TBC1D21: variants seen among roughly 807,000 people sequenced by gnomAD.
The protein encoded by TBC1D21 is male germ cell Rab GTPase-activating protein.
A neutral mutation model predicts 46.0 loss-of-function variants in TBC1D21; 38 were observed. That is an observed-to-expected ratio of 0.83 (90% CI 0.64 to 1.08). The LOEUF (loss-of-function observed/expected upper bound fraction) is 1.08, where lower values mean the gene tolerates loss of function less well. Among genes scored for constraint, TBC1D21 ranks in the 50% least tolerant of loss-of-function variants. The probability of loss-of-function intolerance (pLI) is 0.00; values close to 1 mark genes in which losing one functional copy is unlikely to be tolerated. For synonymous variants in TBC1D21, 151 were observed against 157.2 expected, an observed-to-expected ratio of 0.96 and a Z score of 0.29; for missense variants, 415 against 417.9, an observed-to-expected ratio of 0.99 and a Z score of 0.06.
chr15:73,881,815 C>A, intron 3 of TBC1D21, 68 bp downstream of exon 3: 1 of 1,390,942 alleles, frequency 7.2e-7, no homozygotes, highest in Non-Finnish European at 1.0e-6. Flanking sequence ...CCTCCCCAGC[C>A]TGCAGACTAT....
chr15:73,882,703 T>C (rs149809805), intron 3 of TBC1D21, among the ~76,000 whole-genome samples: 499 of 152,340 alleles, frequency 3.3e-3, no homozygotes, highest in Non-Finnish European at 5.7e-3. Context: ...CTCAGTCTCC[T>C]CCTCTATAAA....
chr15:73,888,383 A>T, intron 9 of TBC1D21, 47 bp from the exon 10 acceptor site: 1 of 1,517,206 alleles, frequency 6.6e-7, no homozygotes, highest in Non-Finnish European at 9.1e-7. Flanking sequence ...GTGCTGGGAG[A>T]TGTTTGCCCC....
chr15:73,906,750 C>A, the TBC1D21 span, among the ~76,000 whole-genome samples: 1 of 152,184 alleles, frequency 6.6e-6, no homozygotes, highest in Non-Finnish European at 1.5e-5. Context: ...ACAAAGCTAA[C>A]CCCTATGCCA....
Position 73,884,847 on chromosome 15 carries a change from T to C in TBC1D21, c.434T>C (p.Leu145Pro). 4.3e-6 allele frequency: 7 copies of C among 1,614,068 alleles called. No homozygotes were observed. Among genetic ancestry groups the C allele is most frequent in the Non-Finnish European group, 5.1e-6 (6 of 1,179,990 alleles). ...LGNVLIDKKR[L>P]EKILLLSYVC... Reference sequence around the variant, plus strand: ...AACGTCCTCATCGACAAGAAGAGGCTAGAGAAGATCCTGCTCCTGAGTTAC... The same window carrying C: ...AACGTCCTCATCGACAAGAAGAGGCCAGAGAAGATCCTGCTCCTGAGTTAC... Residue 145 changes from leucine (L) to proline (P), a missense_variant, in exon 5 of 11, where the codon CTA becomes CCA. Leu to Pro is a moderately conservative substitution (Grantham distance 98). Transcript: ENST00000300504.
At chr15:73,897,991 T>C in the TBC1D21 span, among the ~76,000 whole-genome samples, 2 of 152,308 alleles carry the variant, frequency 1.3e-5, no homozygotes, top group East Asian at 3.9e-4. Flanking sequence ...ACATTCTCAG[T>C]GTAGTTCCGT....
chr15:73,901,392 C>T, the TBC1D21 span, among the ~76,000 whole-genome samples: 1 of 152,256 alleles, frequency 6.6e-6, no homozygotes, highest in African/African-American at 2.4e-5. Flanking sequence ...CTCTGCTCTT[C>T]TCTCCCCACA....
chr15:73,898,892 TATATATATATAC>T, the TBC1D21 span, among the ~76,000 whole-genome samples: 132 of 119,444 alleles, frequency 1.1e-3, 3 homozygotes, highest in African/African-American at 3.8e-3. Context: ...TATATATATA[TATATATATATAC>T]ACACACACTC....
chr15:73,883,706 G>A (rs954071775), intron 3 of TBC1D21, among the ~76,000 whole-genome samples: 10 of 152,156 alleles, frequency 6.6e-5, no homozygotes, highest in East Asian at 1.9e-4. Context: ...GCCACCATGC[G>A]GCCAGCAATA....
chr15:73,880,518 C>T (rs528124631), intron 1 of TBC1D21, among the ~76,000 whole-genome samples: 4 of 152,154 alleles, frequency 2.6e-5, no homozygotes, highest in Non-Finnish European at 5.9e-5. Flanking sequence ...CGCCTGTAGT[C>T]CCAGCACTTT....
At chr15:73,891,691 C>T (rs1567071612), downstream of TBC1D21, among the ~76,000 whole-genome samples, 1 of 152,220 alleles carries the variant, frequency 6.6e-6, no homozygotes, top group Non-Finnish European at 1.5e-5. Flanking sequence ...GATTTCGGAG[C>T]AAAGCTGTGG....
chr15:73,888,487 G>A lies in TBC1D21; in HGVS notation c.952G>A (p.Val318Ile). ...TGAGCTGATCTCTGCCGCCTGCGTG[G>A]TTTATGCTGAGCTCATCCAGAAGGA... is the stretch of plus-strand genomic sequence containing the variant. ...ADELISAACV[V>I]YAELIQKDVP... is the part of the protein sequence containing the mutation. The change falls in exon 10 of 11, where the codon GTT (valine) becomes ATT (isoleucine). Residue 318 changes from valine to isoleucine, a missense_variant. By Grantham distance (29) the Val-to-Ile change is conservative (BLOSUM62 3). Transcript: ENST00000300504. 1.9e-6 allele frequency: 3 copies of A among 1,614,104 alleles called. No homozygotes were observed. The highest frequency in any genetic ancestry group is 1.7e-4 in the Middle Eastern group (1 of 6,060).
intron 3 of TBC1D21, among the ~76,000 whole-genome samples, chr15:73,883,150 C>G (rs2068183674): frequency 1.3e-5 from 2 of 152,146 alleles, no homozygotes; most frequent in South Asian, 4.2e-4. Context: ...AGGGGCTAGG[C>G]CCAGCCCCAA....
At chr15:73,893,292 C>T (rs763693319), downstream of TBC1D21, among the ~76,000 whole-genome samples, 9 of 152,086 alleles carry the variant, frequency 5.9e-5, no homozygotes, top group Non-Finnish European at 1.0e-4. Flanking sequence ...AAACTAGTGC[C>T]CAGCACACTT....
At chr15:73,889,251 G>T (rs544124127), downstream of TBC1D21, 2 of 939,122 alleles carry the variant, frequency 2.1e-6, no homozygotes, top group African/African-American at 1.6e-5. Context: ...GACCTTAGGG[G>T]CTGGGACGCA....
chr15:73,875,296 G>A (rs2068041152), intron 1 of TBC1D21, among the ~76,000 whole-genome samples: 1 of 136,630 alleles, frequency 7.3e-6, no homozygotes, highest in South Asian at 2.6e-4. Flanking sequence ...AAGGAAGGAG[G>A]GAAGGAGGGA....
intron 3 of TBC1D21, among the ~76,000 whole-genome samples, chr15:73,883,075 C>G (rs1256099926): frequency 6.6e-6 from 1 of 152,246 alleles, no homozygotes; most frequent in Non-Finnish European, 1.5e-5. Context: ...GGAACGGACT[C>G]CTTTGGATTG....
At chr15:73,893,308 G>A (rs750786442), downstream of TBC1D21, among the ~76,000 whole-genome samples, 6 of 152,200 alleles carry the variant, frequency 3.9e-5, no homozygotes, top group Non-Finnish European at 8.8e-5. Context: ...CACTTCCAAT[G>A]AGCAAGGCCT....
chr15:73,900,547 C>A, the TBC1D21 span, among the ~76,000 whole-genome samples: 8 of 152,152 alleles, frequency 5.3e-5, no homozygotes, highest in Non-Finnish European at 1.0e-4. Context: ...GGGGACTGGG[C>A]AAAGGGAGGT....
intron 4 of TBC1D21, 86 bp from the exon 5 acceptor site, chr15:73,884,695 G>C (rs2068210974): frequency 2.2e-6 from 2 of 907,278 alleles, no homozygotes; most frequent in Non-Finnish European, 1.8e-6. Flanking sequence ...CCTAGGGCCT[G>C]CCCATTGGGG....
Sources: allele counts gnomAD v4.1 joint callset (sites outside exome capture counted in the v4.1 genomes callset), GRCh38; gene constraint gnomAD v4.1.1; transcripts MANE v1.5; gene names NCBI Gene and HGNC (gene_info 2026-07-23, HGNC 2026-07-21).